EML5: variants seen among roughly 807,000 people sequenced by gnomAD.
EML5 encodes EMAP like 5.
In EML5, 120 loss-of-function variants were observed where a neutral mutation model predicts 250.0. The ratio of observed to expected loss-of-function variants is 0.48; its 90% confidence interval spans 0.41 to 0.56. The LOEUF (loss-of-function observed/expected upper bound fraction) is 0.56, where lower values mean the gene tolerates loss of function less well. EML5 is among the 20% of genes least tolerant of loss of function. EML5 has a pLI of 0.00. For synonymous variants in EML5, 771 were observed against 806.5 expected (o/e 0.96, Z 0.75); for missense variants, 2,006 against 2,437.6 (o/e 0.82, Z 3.73).
rs1336354449 is a variant in EML5, at chr14:88,687,291, G to C, written c.2779C>G (p.Leu927Val). The C allele has an allele frequency of 3.7e-6, 6 of 1,611,718 alleles. No homozygotes were observed. In the South Asian group the frequency reaches 6.6e-5, roughly 18 times the overall value. Residue 927 changes from leucine (L) to valine (V), a missense_variant, in exon 19 of 44, where the codon CTT becomes GTT. Coordinates refer to ENST00000554922, the MANE Select transcript of EML5 (RefSeq NM_183387.3). ...VTGGKDGIVA[L>V]WDDSFERCLK... ...CATCTTTCAAAAGAGTCATCCCAAA[G>C]AGCTACTATACCATCTTTTCCTCCA...
Position 88,665,454 on chromosome 14 carries a change from C to T in EML5, c.3160G>A (p.Ala1054Thr). The T allele has an allele frequency of 6.2e-7, 1 of 1,613,942 alleles. No individual in the cohort carries two copies. Among genetic ancestry groups the T allele is most frequent in the Non-Finnish European group, 8.5e-7 (1 of 1,179,882 alleles). ...RCCCFSPDGK[A>T]LAVGLNDGSF... is the part of the protein sequence containing the mutation. ...CCATCGTTGAGACCTACGGCTAAAG[C>T]TTTACCATCAGGAGAAAAACAGCAA... The change falls in exon 22 of 44, where the codon GCT becomes ACT. Residue 1054 changes from alanine to threonine, a missense_variant. Transcript: ENST00000554922.
intron 2 of EML5, among the ~76,000 whole-genome samples, chr14:88,746,885 T>C (rs1255154101): frequency 6.6e-6 from 1 of 152,252 alleles, no homozygotes; most frequent in East Asian, 1.9e-4. Flanking sequence ...TCCCTGAACA[T>C]TTGTAACCAC....
chr14:88,788,786 G>A lies in EML5; in HGVS notation c.197+3521C>T, dbSNP rs138617848. ...AAGATATTGCACTCTGGCTGCACAC[G>A]GTGGCTCACATCTGTAATCCCAACA... On this transcript the variant is annotated intron_variant, in intron 1 of 43. Transcript: ENST00000554922. Among the ~76,000 whole-genome samples, 73 of 152,012 alleles carry A rather than the reference G, an allele frequency of 4.8e-4. 1 individual carries two copies. In the East Asian group the frequency reaches 0.013, roughly 27 times the overall value.
intron 37 of EML5, chr14:88,621,674 C>A: frequency 3.6e-6 from 1 of 274,518 alleles, no homozygotes; most frequent in South Asian, 4.2e-5. Flanking sequence ...AAAAGCTTAA[C>A]TACAATTTAA....
intron 27 of EML5, among the ~76,000 whole-genome samples, chr14:88,655,313 G>A (rs537576936): frequency 5.3e-5 from 8 of 152,050 alleles, no homozygotes; most frequent in Admixed American, 1.3e-4. Context: ...GAGGCCTCAG[G>A]AATAATGCCA....
chr14:88,627,429 A>G (rs1320024736), intron 34 of EML5: 1 of 520,928 alleles, frequency 1.9e-6, no homozygotes, highest in East Asian at 3.2e-5. Flanking sequence ...TATAATGCTA[A>G]TAATGGTTTC....
At chr14:88,622,438 T>C in intron 37 of EML5, 166 bp downstream of exon 37, 1 of 489,826 alleles carries the variant, frequency 2.0e-6, no homozygotes, top group Non-Finnish European at 3.5e-6. Flanking sequence ...ACCACACTGG[T>C]GCTAACTTTG....
chr14:88,627,080 ACAAGAAC>A, intron 34 of EML5, 34 bp from the exon 35 acceptor site: 1 of 1,598,696 alleles, frequency 6.3e-7, no homozygotes, highest in East Asian at 2.2e-5. Flanking sequence ...CTAGGTTATT[ACAAGAAC>A]CAAGCTAATC....
At chr14:88,670,736 GA>G (rs1274797601) in intron 21 of EML5, among the ~76,000 whole-genome samples, 1 of 152,072 alleles carries the variant, frequency 6.6e-6, no homozygotes, top group Non-Finnish European at 1.5e-5. Context: ...TGACCTGAAG[GA>G]GCTGAAAAAC....
At chr14:88,709,271 T>C (rs941821872) in intron 10 of EML5, among the ~76,000 whole-genome samples, 2 of 151,886 alleles carry the variant, frequency 1.3e-5, no homozygotes, top group Non-Finnish European at 2.9e-5. Flanking sequence ...ACACTGAAAT[T>C]AAGAACTGGC....
At chr14:88,729,563 TTG>T (rs1360795789) in intron 7 of EML5, among the ~76,000 whole-genome samples, 17 of 147,876 alleles carry the variant, frequency 1.1e-4, no homozygotes, top group African/African-American at 3.4e-4. Flanking sequence ...ATTTGGTTTT[TTG>T]TTTTTTGTTT....
Position 88,706,430 on chromosome 14 carries a change from T to A in EML5, c.1658-4A>T. 4 of 1,490,152 alleles carry A rather than the reference T, an allele frequency of 2.7e-6. No homozygotes were observed. Among genetic ancestry groups the A allele is most frequent in the Non-Finnish European group, 3.6e-6 (4 of 1,122,262 alleles). The allele number at this position is 1,490,152 out of a possible 1,614,324, so 92.3% of individuals were successfully genotyped here. On this transcript the variant is annotated splice_region_variant and splice_polypyrimidine_tract_variant and intron_variant, in intron 10 of 43. Coordinates refer to ENST00000554922, the MANE Select transcript of EML5 (RefSeq NM_183387.3). ...ATATATTTTCTAAACTTGGCCCCTATAATAAAAATATATCTTTAAATTGAT... is the reference window on the plus strand; with the variant it reads ...ATATATTTTCTAAACTTGGCCCCTAAAATAAAAATATATCTTTAAATTGAT...
chr14:88,757,611 C>T (rs1299254540), intron 1 of EML5, among the ~76,000 whole-genome samples: 1 of 152,090 alleles, frequency 6.6e-6, no homozygotes, highest in South Asian at 2.1e-4. Context: ...AGAATTCCTA[C>T]AAATCAACAA....
chr14:88,678,146 A>T (rs749322213), intron 21 of EML5, among the ~76,000 whole-genome samples: 1 of 152,202 alleles, frequency 6.6e-6, no homozygotes, highest in Non-Finnish European at 1.5e-5. Context: ...TTGTGGGGAC[A>T]TGATGGAGCT....
In EML5 at chr14:88,638,911, CA is replaced by C; in HGVS notation, c.4238-5del. Reference sequence around the variant, plus strand: ...TCCTGATAAAAACTCTGAGAACCTACAAAAAAGAATTTGAGAATTAAGTTTG... The same window carrying C: ...TCCTGATAAAAACTCTGAGAACCTACAAAAAGAATTTGAGAATTAAGTTTG... On this transcript the variant is annotated splice_region_variant and splice_polypyrimidine_tract_variant and intron_variant, in intron 31 of 43. Coordinates refer to ENST00000554922, the MANE Select transcript of EML5 (RefSeq NM_183387.3). 6.4e-7 allele frequency: 1 copy of C among 1,554,904 alleles called. No individual in the cohort carries two copies. Among genetic ancestry groups the C allele is most frequent in the Non-Finnish European group, 8.7e-7 (1 of 1,152,374 alleles).
At chr14:88,777,213 A>C (rs758272995) in intron 1 of EML5, among the ~76,000 whole-genome samples, 5 of 150,170 alleles carry the variant, frequency 3.3e-5, no homozygotes, top group Non-Finnish European at 5.9e-5. Context: ...AACAACACAC[A>C]ACGGAGCTCC....
chr14:88,694,728 T>C (rs180994272), intron 16 of EML5, among the ~76,000 whole-genome samples: 3 of 152,350 alleles, frequency 2.0e-5, no homozygotes, highest in South Asian at 4.1e-4. Context: ...TACTTTGTTA[T>C]AGCTTAAGAT....
chr14:88,727,351 C>T (rs1357239435), intron 7 of EML5, among the ~76,000 whole-genome samples: 1 of 151,422 alleles, frequency 6.6e-6, no homozygotes, highest in Non-Finnish European at 1.5e-5. Context: ...TGTGAGTATA[C>T]CATCTCTTTC....
chr14:88,637,519 T>TG (rs2090808864), intron 32 of EML5, among the ~76,000 whole-genome samples: 1 of 152,012 alleles, frequency 6.6e-6, no homozygotes, highest in African/African-American at 2.4e-5. Context: ...AGGTGGGAAA[T>TG]GAAAGAACCA....
Sources: gnomAD v4.1 joint callset for allele counts (sites outside exome capture counted in the v4.1 genomes callset) on GRCh38, gnomAD v4.1.1 for gene constraint, MANE v1.5 for transcripts, NCBI Gene and HGNC (gene_info 2026-07-23, HGNC 2026-07-21) for gene names.